PRRC2B: variants seen among roughly 807,000 people sequenced by gnomAD.
PRRC2B encodes proline rich coiled-coil 2B.
In PRRC2B, 68 loss-of-function variants were observed where a neutral mutation model predicts 242.3. That is an observed-to-expected ratio of 0.28 (90% CI 0.23 to 0.34). PRRC2B has a LOEUF of 0.34. Ranked by LOEUF, PRRC2B falls within the 10% of genes least tolerant of loss-of-function variation. The pLI is 1.00. For missense variants in PRRC2B, 2,835 were observed against 2,954.8 expected (o/e 0.96, Z 0.94); for synonymous variants, 1,228 against 1,173.6 (o/e 1.05, Z -0.95).
intron 1 of PRRC2B, among the ~76,000 whole-genome samples, chr9:131,406,812 C>T (rs187388178): frequency 1.7e-4 from 26 of 152,156 alleles, no homozygotes; most frequent in African/African-American, 5.8e-4. Context: ...AGTTACAATA[C>T]AGCCTTGCTA....
At chr9:131,468,988 A>G (rs370891599) in intron 13 of PRRC2B, among the ~76,000 whole-genome samples, 10 of 152,264 alleles carry the variant, frequency 6.6e-5, no homozygotes, top group South Asian at 2.1e-4. Context: ...AGCAGCGACA[A>G]TTGCTCTAGG....
chr9:131,449,904 C>T (rs901989344), intron 9 of PRRC2B, among the ~76,000 whole-genome samples: 1 of 152,148 alleles, frequency 6.6e-6, no homozygotes, highest in African/African-American at 2.4e-5. Context: ...TTGTATATGG[C>T]ATAAGATAGG....
At chr9:131,460,347 T>C (rs1216045233) in intron 11 of PRRC2B, among the ~76,000 whole-genome samples, 1 of 152,238 alleles carries the variant, frequency 6.6e-6, no homozygotes, top group East Asian at 1.9e-4. Flanking sequence ...TTTGAGGCTT[T>C]GGAAGATTAC....
chr9:131,444,639 C>T (rs1357729295), intron 6 of PRRC2B, among the ~76,000 whole-genome samples: 3 of 152,124 alleles, frequency 2.0e-5, no homozygotes, highest in Non-Finnish European at 2.9e-5. Flanking sequence ...CTTAGGTCCC[C>T]GGTTCAAGAG....
intron 1 of PRRC2B, among the ~76,000 whole-genome samples, chr9:131,377,572 G>C (rs1836703701): frequency 6.6e-6 from 1 of 152,004 alleles, no homozygotes; most frequent in South Asian, 2.1e-4. Context: ...AGAATTGTAA[G>C]CCCCTCTTTG....
chr9:131,412,797 C>CTTTTT (rs35175798), intron 1 of PRRC2B, among the ~76,000 whole-genome samples: 4 of 138,010 alleles, frequency 2.9e-5, no homozygotes, highest in Admixed American at 1.5e-4. Context: ...CTCTCTCTCT[C>CTTTTT]TTTTTTTTTT....
chr9:131,395,030 G>C (rs1437561691), intron 1 of PRRC2B, among the ~76,000 whole-genome samples: 1 of 151,284 alleles, frequency 6.6e-6, no homozygotes, highest in East Asian at 1.9e-4. Flanking sequence ...TGTTGAAACT[G>C]TGGGCCTCTG....
intron 14 of PRRC2B, among the ~76,000 whole-genome samples, 196 bp downstream of exon 14, chr9:131,471,179 A>G (rs1943535270): frequency 6.6e-6 from 1 of 152,236 alleles, no homozygotes; most frequent in African/African-American, 2.4e-5. Context: ...ATTTGTTGGG[A>G]AAGTCATGAA....
chr9:131,450,017 A>G lies in PRRC2B; in HGVS notation c.1120+2213A>G, dbSNP rs182426045. On this transcript the variant is annotated intron_variant, in intron 9 of 31. Transcript: ENST00000683519. ...GCTTTGGAACCTTTGCCAAAAGTCA[A>G]TTGACTATAAAAGCATTGGTCTATT... is the stretch of plus-strand genomic sequence containing the variant. Among the ~76,000 whole-genome samples the G allele has an allele frequency of 1.9e-3, 288 of 152,334 alleles. 2 individuals are homozygous for G. Among genetic ancestry groups the G allele is most frequent in the Admixed American group, 3.3e-3 (51 of 15,298 alleles).
chr9:131,498,634 T>C lies in PRRC2B; in HGVS notation c.*2760T>C, dbSNP rs1324443024. ...CCCCCATCCTCAGAGCGCAGATACA[T>C]GCAGAGGCTTCTGCCAGGATACCAC... On this transcript the variant is annotated 3_prime_UTR_variant, in exon 32 of 32. Transcript: ENST00000683519. The C allele has an allele frequency of 1.3e-5, 2 of 152,276 alleles. No homozygotes were observed. Among genetic ancestry groups the C allele is most frequent in the East Asian group, 1.9e-4 (1 of 5,202 alleles). 9.4% of individuals were successfully genotyped at this position (152,276 alleles called of 1,614,324 possible).
intron 1 of PRRC2B, among the ~76,000 whole-genome samples, chr9:131,381,881 G>A (rs945813623): frequency 6.7e-6 from 1 of 149,410 alleles, no homozygotes; most frequent in South Asian, 2.1e-4. Flanking sequence ...CTGGGACTAC[G>A]GGCACGTACC....
chr9:131,376,183 C>T (rs1836682070), intron 1 of PRRC2B, among the ~76,000 whole-genome samples: 4 of 151,452 alleles, frequency 2.6e-5, no homozygotes, highest in Admixed American at 2.0e-4. Context: ...GAAACCCCGT[C>T]TCTACTAAAA....
Position 131,464,844 on chromosome 9 carries a change from C to T in PRRC2B, c.1486C>T (p.Gln496Ter). 1 of 1,613,684 alleles carries T rather than the reference C, an allele frequency of 6.2e-7. No individual in the cohort carries two copies. Among genetic ancestry groups the T allele is most frequent in the East Asian group, 2.2e-5 (1 of 44,878 alleles). ...DKPPPRQKFI[Q>*]SEMSEAVERA... The stretch of plus-strand genomic sequence containing the variant: ...GCCCCCACCAAGGCAGAAGTTCATT[C>T]AGTCAGAGATGTCCGAGGCGGTGGA... Residue 496 changes from glutamine (Q) to a stop codon, truncating the protein, a stop_gained, in exon 12 of 32, where the codon CAG becomes TAG. Coordinates refer to ENST00000683519, the MANE Select transcript of PRRC2B (RefSeq NM_013318.4). LOFTEE classifies it high-confidence loss of function.
intron 10 of PRRC2B, among the ~76,000 whole-genome samples, chr9:131,455,664 C>G (rs997229497): frequency 1.3e-5 from 2 of 151,904 alleles, no homozygotes; most frequent in African/African-American, 2.4e-5. Context: ...CACAGATGCA[C>G]GCCAGCATAC....
At chr9:131,430,561 A>ATATGTG (rs369217813) in intron 2 of PRRC2B, among the ~76,000 whole-genome samples, 4 of 118,718 alleles carry the variant, frequency 3.4e-5, no homozygotes, top group East Asian at 2.6e-4. Flanking sequence ...GTGTGTGTGT[A>ATATGTG]TGTGTGTGTG....
intron 13 of PRRC2B, among the ~76,000 whole-genome samples, chr9:131,468,535 T>A (rs773145024): frequency 5.3e-5 from 8 of 152,196 alleles, no homozygotes; most frequent in Non-Finnish European, 1.0e-4. Flanking sequence ...TCCACCCATC[T>A]CTCCTAGTCC....
At chr9:131,454,844 C>T (rs1943024101) in intron 9 of PRRC2B, among the ~76,000 whole-genome samples, 2 of 152,212 alleles carry the variant, frequency 1.3e-5, no homozygotes, top group South Asian at 4.2e-4. Flanking sequence ...CCATGTTGGT[C>T]AGGCTGGTCT....
In PRRC2B at chr9:131,475,671, A is replaced by G. The variant is rs1468317685; in HGVS notation, c.3542A>G (p.Asn1181Ser). The change falls in exon 16 of 32, where the codon AAC (asparagine) becomes AGC (serine). Residue 1181 changes from asparagine (N) to serine (S), a missense_variant. This residue lies in a region of PRRC2B where 1,536 missense variants were observed against 1,483.1 expected (regional missense o/e 1.04). Transcript: ENST00000683519. Reference protein sequence around the residue: ...KGDCRDSWRSNKGCSEDHSGL... With the variant: ...KGDCRDSWRSSKGCSEDHSGL... ...GACTGCAGAGATTCTTGGCGGTCCAACAAGGGGTGCTCTGAGGACCACAGC... is the reference window on the plus strand; with the variant it reads ...GACTGCAGAGATTCTTGGCGGTCCAGCAAGGGGTGCTCTGAGGACCACAGC... 3 of 1,611,702 alleles carry G rather than the reference A, an allele frequency of 1.9e-6. No homozygotes were observed. The highest frequency in any genetic ancestry group is 2.2e-5 in the East Asian group (1 of 44,828).
At chr9:131,429,078 C>T (rs1189983274) in intron 1 of PRRC2B, among the ~76,000 whole-genome samples, 1 of 152,180 alleles carries the variant, frequency 6.6e-6, no homozygotes, top group East Asian at 1.9e-4. Flanking sequence ...TCCTCAGTAG[C>T]TGGAATTACA....
Sources: gnomAD v4.1 joint callset for allele counts (sites outside exome capture counted in the v4.1 genomes callset) on GRCh38, gnomAD v4.1.1 for gene constraint, gnomAD v4.1.1 regional missense constraint, MANE v1.5 for transcripts, NCBI Gene and HGNC (gene_info 2026-07-23, HGNC 2026-07-21) for gene names.